The following TMEM165 variants were observed in gnomAD, a reference collection of about 807,000 sequenced individuals.
TMEM165 encodes the protein putative divalent cation/proton antiporter TMEM165.
A neutral mutation model predicts 30.0 loss-of-function variants in TMEM165; 19 were observed. That is an observed-to-expected ratio of 0.63 (90% CI 0.44 to 0.93). The LOEUF is 0.93. Among genes scored for constraint, TMEM165 ranks in the 40% least tolerant of loss-of-function variants. TMEM165 has a pLI of 0.00. For missense variants in TMEM165, 340 were observed against 417.0 expected (o/e 0.82, Z 1.61); for synonymous variants, 168 against 162.9 (o/e 1.03, Z -0.24).
intron 4 of TMEM165, among the ~76,000 whole-genome samples, chr4:55,419,849 G>T (rs964946722): frequency 4.0e-5 from 6 of 151,570 alleles, no homozygotes; most frequent in Non-Finnish European, 8.8e-5. Flanking sequence ...ATTTTGTCAG[G>T]GAAGCCTCAA....
intron 3 of TMEM165, chr4:55,435,133 A>G (rs549023689): frequency 6.8e-5 from 29 of 424,620 alleles, no homozygotes; most frequent in African/African-American, 5.0e-4. Context: ...TGAGCTTCTT[A>G]ATATTTGGCA....
chr4:55,396,169 GCGGCCGGCC>G lies in TMEM165; in HGVS notation c.-16_-8del. The G allele has an allele frequency of 1.5e-6, 2 of 1,348,530 alleles. No individual in the cohort carries two copies. Among genetic ancestry groups the G allele is most frequent in the Non-Finnish European group, 1.9e-6 (2 of 1,063,020 alleles). 83.5% of individuals were successfully genotyped at this position (1,348,530 alleles called of 1,614,324 possible). On this transcript the variant is annotated 5_prime_UTR_variant, in exon 1 of 6. Transcript: ENST00000381334. ...GCACTTCCTCTTGCGGCGCCCGTGC[GCGGCCGGCC>G]CGGCAGGCGGGATGGCGGCCGCGGC...
chr4:55,410,083 C>T (rs567977533), intron 1 of TMEM165, among the ~76,000 whole-genome samples: 1 of 152,258 alleles, frequency 6.6e-6, no homozygotes, highest in East Asian at 1.9e-4. Flanking sequence ...CTCCTCCTTG[C>T]CTCCCACCAG....
chr4:55,453,207 T>C, exon 4 of TMEM165: 1 of 1,148,238 alleles, frequency 8.7e-7, no homozygotes, highest in Non-Finnish European at 1.3e-6. Flanking sequence ...CTATTCAGTG[T>C]TGTTACGTGT....
Position 55,417,819 on chromosome 4 carries a change from T to C in TMEM165, c.626T>C (p.Leu209Pro). The change falls in exon 4 of 6, where the codon CTT becomes CCT. Residue 209 changes from leucine to proline, a missense_variant. Coordinates refer to ENST00000381334, the MANE Select transcript of TMEM165 (RefSeq NM_018475.5). ...KKDEEFQRTK[L>P]LNGPGDVETG... ...TTATTTTAGTTTCAACGAACCAAAC[T>C]TTTAAATGGACCGGGAGATGTTGAA... 1 of 1,603,162 alleles carries C rather than the reference T, an allele frequency of 6.2e-7. No homozygotes were observed. Among genetic ancestry groups the C allele is most frequent in the South Asian group, 1.1e-5 (1 of 87,826 alleles).
At chr4:55,450,916 TAAGC>T (rs1724384463) in intron 3 of TMEM165, among the ~76,000 whole-genome samples, 1 of 152,112 alleles carries the variant, frequency 6.6e-6, no homozygotes, top group South Asian at 2.1e-4. Context: ...GAGAATTGCT[TAAGC>T]CCAGGAGCTA....
In TMEM165 at chr4:55,395,982, A is replaced by T. The variant is rs1188807144; in HGVS notation, c.-208A>T. Reference sequence around the variant, plus strand: ...GACTCCAGTTTAGCCGCCGCCGGAGAGGACGGGCGCCGAGCCGGGGCTGCG... The same window carrying T: ...GACTCCAGTTTAGCCGCCGCCGGAGTGGACGGGCGCCGAGCCGGGGCTGCG... On this transcript the variant is annotated 5_prime_UTR_variant, in exon 1 of 6. Transcript: ENST00000381334. 1 of 385,372 alleles carries T rather than the reference A, an allele frequency of 2.6e-6. No individual in the cohort carries two copies. The highest frequency in any genetic ancestry group is 4.5e-6 in the Non-Finnish European group (1 of 222,188). The allele number at this position is 385,372 out of a possible 1,614,324, so 23.9% of individuals were successfully genotyped here. A position where few individuals can be genotyped will look rare whatever the true frequency, so the allele number is the denominator to read the frequency against.
chr4:55,414,393 T>C (rs1394661122), intron 2 of TMEM165, among the ~76,000 whole-genome samples: 1 of 152,272 alleles, frequency 6.6e-6, no homozygotes, highest in Non-Finnish European at 1.5e-5. Context: ...TATGTGTTTA[T>C]TTCTACATCT....
chr4:55,404,764 C>T (rs1295068702), intron 1 of TMEM165, among the ~76,000 whole-genome samples: 1 of 152,170 alleles, frequency 6.6e-6, no homozygotes, highest in Non-Finnish European at 1.5e-5. Flanking sequence ...TGTAAGTTAG[C>T]AAATTGCTAA....
chr4:55,413,952 A>G (rs1453420845), intron 2 of TMEM165, among the ~76,000 whole-genome samples: 3 of 152,058 alleles, frequency 2.0e-5, no homozygotes, highest in Non-Finnish European at 4.4e-5. Flanking sequence ...ATTTTGGATG[A>G]CCTAATGTCC....
downstream of TMEM165, among the ~76,000 whole-genome samples, chr4:55,426,706 C>G (rs1057003408): frequency 6.6e-6 from 1 of 152,178 alleles, no homozygotes; most frequent in Non-Finnish European, 1.5e-5. Flanking sequence ...CTACAAAGGT[C>G]CACAATGTAG....
At chr4:55,430,156 A>C (rs1171031482), downstream of TMEM165, 1 of 152,184 alleles carries the variant, frequency 6.6e-6, no homozygotes, top group African/African-American at 2.4e-5. Context: ...CCCTTTCTAA[A>C]TTCTTTCATA....
chr4:55,399,073 G>T (rs1482897844), intron 1 of TMEM165: 1 of 152,018 alleles, frequency 6.6e-6, no homozygotes, highest in African/African-American at 2.4e-5. Flanking sequence ...TTAATTCCGG[G>T]ACTCTTATAA....
chr4:55,425,562 G>T lies in TMEM165; in HGVS notation c.*110G>T. The T allele has an allele frequency of 2.4e-6, 2 of 822,736 alleles. No individual in the cohort carries two copies. Among genetic ancestry groups the T allele is most frequent in the Non-Finnish European group, 3.8e-6 (2 of 521,986 alleles). 51.0% of individuals were successfully genotyped at this position (822,736 alleles called of 1,614,324 possible). A position where few individuals can be genotyped will look rare whatever the true frequency, so the allele number is the denominator to read the frequency against. On this transcript the variant is annotated 3_prime_UTR_variant, in exon 6 of 6. Coordinates refer to ENST00000381334, the MANE Select transcript of TMEM165 (RefSeq NM_018475.5). Reference sequence around the variant, plus strand: ...GAAAAATACTGTATTTTGTAGCACTGATTTTGTGAGTTTGACCCATTATTA... The same window carrying T: ...GAAAAATACTGTATTTTGTAGCACTTATTTTGTGAGTTTGACCCATTATTA...
intron 3 of TMEM165, among the ~76,000 whole-genome samples, chr4:55,445,602 T>C (rs1723759739): frequency 8.2e-6 from 1 of 122,306 alleles, no homozygotes. Context: ...TTTTTTTTTT[T>C]TTTTTTGAGA....
In TMEM165 at chr4:55,420,122, C is replaced by A. The variant is rs864222; in HGVS notation, c.792+2137C>A. ...AGAAAAAAAAATATATATATATATA[C>A]ATATATATTTATTTATTTATTTATT... On this transcript the variant is annotated intron_variant, in intron 4 of 5. Coordinates refer to ENST00000381334, the MANE Select transcript of TMEM165 (RefSeq NM_018475.5). 3.3e-4 allele frequency among the ~76,000 whole-genome samples: 19 copies of A among 56,774 alleles called. 1 individual carries two copies. Among genetic ancestry groups the A allele is most frequent in the East Asian group, 3.6e-3 (2 of 550 alleles). The allele number at this position is 56,774 out of a possible 152,430, so 37.2% of individuals were successfully genotyped here.
chr4:55,400,227 TA>T (rs1560385701), intron 1 of TMEM165, among the ~76,000 whole-genome samples: 1 of 32,782 alleles, frequency 3.1e-5, no homozygotes, highest in African/African-American at 8.5e-5. Flanking sequence ...TATATATTAA[TA>T]TATTAATGTA....
chr4:55,411,922 C>G, intron 2 of TMEM165, 83 bp downstream of exon 2: 1 of 1,340,102 alleles, frequency 7.5e-7, no homozygotes, highest in Non-Finnish European at 1.1e-6. Flanking sequence ...AGTCATTAAC[C>G]TAGTCTTATG....
chr4:55,452,505 G>A (rs1028095503), exon 4 of TMEM165: 1 of 153,816 alleles, frequency 6.5e-6, no homozygotes, highest in African/African-American at 2.4e-5. Flanking sequence ...AACTGTGCCT[G>A]GACTCTTGAC....
Sources: allele counts gnomAD v4.1 joint callset (sites outside exome capture counted in the v4.1 genomes callset), GRCh38; gene constraint gnomAD v4.1.1; transcripts MANE v1.5; gene names NCBI Gene and HGNC (gene_info 2026-07-23, HGNC 2026-07-21).